Variants in PCED1B observed in about 807,000 individuals in gnomAD.
PCED1B encodes the protein PC-esterase domain-containing protein 1B.
For missense variants in PCED1B, 573 were observed against 573.9 expected, an observed-to-expected ratio of 1.00 and a Z score of 0.02; for synonymous variants, 251 against 246.1, an observed-to-expected ratio of 1.02 and a Z score of -0.19.
chr12:47,130,932 G>A (rs1032639357), intron 2 of PCED1B, among the ~76,000 whole-genome samples: 21 of 152,088 alleles, frequency 1.4e-4, no homozygotes, highest in Non-Finnish European at 1.0e-4. Context: ...TACAATTAAC[G>A]AAGATGATTG....
At chr12:47,117,467 G>A (rs981976743) in intron 2 of PCED1B, among the ~76,000 whole-genome samples, 9 of 152,036 alleles carry the variant, frequency 5.9e-5, no homozygotes, top group African/African-American at 1.5e-4. Flanking sequence ...CTGTCCATGC[G>A]ACAGTTTGCT....
At chr12:47,227,509 C>T (rs1385322192) in intron 3 of PCED1B, among the ~76,000 whole-genome samples, 2 of 152,086 alleles carry the variant, frequency 1.3e-5, no homozygotes, top group East Asian at 3.9e-4. Flanking sequence ...TCTTCCCAGT[C>T]ATTTTCCCCT....
chr12:47,094,672 G>A (rs536853791), intron 1 of PCED1B, among the ~76,000 whole-genome samples: 38 of 152,048 alleles, frequency 2.5e-4, no homozygotes, highest in African/African-American at 8.9e-4. Flanking sequence ...CTCTGATACT[G>A]TTAGACCCTT....
chr12:47,226,706 C>A (rs548355670), intron 3 of PCED1B, among the ~76,000 whole-genome samples: 1 of 152,156 alleles, frequency 6.6e-6, no homozygotes, highest in African/African-American at 2.4e-5. Context: ...GTCCTTGCAC[C>A]CAGTGCACTA....
At chr12:47,101,479 C>T (rs1938703475) in intron 1 of PCED1B, among the ~76,000 whole-genome samples, 1 of 152,092 alleles carries the variant, frequency 6.6e-6, no homozygotes, top group Non-Finnish European at 1.5e-5. Context: ...TATCTCTTGC[C>T]CCAAAACTTG....
At chr12:47,101,490 T>A (rs1938703993) in intron 1 of PCED1B, among the ~76,000 whole-genome samples, 1 of 152,212 alleles carries the variant, frequency 6.6e-6, no homozygotes, top group Admixed American at 6.5e-5. Flanking sequence ...CCAAAACTTG[T>A]AACACAAAGT....
intron 1 of PCED1B, among the ~76,000 whole-genome samples, chr12:47,084,285 T>A (rs142930147): frequency 6.6e-6 from 1 of 152,202 alleles, no homozygotes; most frequent in Non-Finnish European, 1.5e-5. Flanking sequence ...AATACTATAC[T>A]GAAAGTGAAA....
At chr12:47,196,793 C>T (rs1482480390) in intron 2 of PCED1B, among the ~76,000 whole-genome samples, 1 of 151,500 alleles carries the variant, frequency 6.6e-6, no homozygotes, top group Non-Finnish European at 1.5e-5. Context: ...CCACTGCACT[C>T]CAGCCTGGGC....
intron 2 of PCED1B, among the ~76,000 whole-genome samples, chr12:47,105,900 T>G (rs187298285): frequency 6.6e-6 from 1 of 152,344 alleles, no homozygotes. Context: ...TACAGTGACT[T>G]CATTTTCTTG....
intron 2 of PCED1B, among the ~76,000 whole-genome samples, chr12:47,162,062 A>G (rs1212666789): frequency 1.3e-5 from 2 of 150,072 alleles, no homozygotes; most frequent in Admixed American, 6.6e-5. Context: ...GAATTGAACA[A>G]TGAGAACACA....
chr12:47,207,838 A>C (rs1010170061), intron 2 of PCED1B, among the ~76,000 whole-genome samples: 2 of 152,174 alleles, frequency 1.3e-5, no homozygotes, highest in Non-Finnish European at 2.9e-5. Flanking sequence ...GAGCTTTTCT[A>C]TTTAAAGAAT....
intron 3 of PCED1B, among the ~76,000 whole-genome samples, chr12:47,219,102 C>G (rs1202507242): frequency 6.6e-6 from 1 of 152,160 alleles, no homozygotes; most frequent in Non-Finnish European, 1.5e-5. Context: ...GATTGCACCA[C>G]TGCACTCCAG....
At chr12:47,190,809 A>G (rs990105047) in intron 2 of PCED1B, among the ~76,000 whole-genome samples, 1 of 152,176 alleles carries the variant, frequency 6.6e-6, no homozygotes, top group African/African-American at 2.4e-5. Flanking sequence ...AGGGTGCGAG[A>G]GGCACCTCTC....
At chr12:47,101,946 C>CAA (rs373916277) in intron 1 of PCED1B, among the ~76,000 whole-genome samples, 6 of 137,564 alleles carry the variant, frequency 4.4e-5, no homozygotes, top group African/African-American at 1.6e-4. Flanking sequence ...AACTCCATCT[C>CAA]AAAAAAAAAA....
At chr12:47,186,802 G>C (rs755164554) in intron 2 of PCED1B, among the ~76,000 whole-genome samples, 1 of 152,146 alleles carries the variant, frequency 6.6e-6, no homozygotes, top group East Asian at 1.9e-4. Flanking sequence ...GTGATACTTC[G>C]TGATGGCAGC....
chr12:47,159,795 A>T lies in PCED1B; in HGVS notation c.-526+55600A>T, dbSNP rs547508171. 2.6e-5 allele frequency among the ~76,000 whole-genome samples: 4 copies of T among 151,860 alleles called. No individual in the cohort carries two copies. In the South Asian group the frequency reaches 8.3e-4, roughly 32 times the overall value. Reference sequence around the variant, plus strand: ...AGTTGCCTGTACTTTTGAGGTCTTAATCATAAAATATTTGTCAAAACCAAC... The same window carrying T: ...AGTTGCCTGTACTTTTGAGGTCTTATTCATAAAATATTTGTCAAAACCAAC... On this transcript the variant is annotated intron_variant, in intron 2 of 3. Coordinates refer to ENST00000546455, the MANE Select transcript of PCED1B (RefSeq NM_138371.3).
intron 2 of PCED1B, among the ~76,000 whole-genome samples, chr12:47,198,903 T>C (rs1942685935): frequency 6.7e-6 from 1 of 150,270 alleles, no homozygotes; most frequent in South Asian, 2.1e-4. Flanking sequence ...GAGGCAGAGG[T>C]TGCAGTGAGC....
chr12:47,171,651 A>G (rs1406804978), intron 2 of PCED1B, among the ~76,000 whole-genome samples: 1 of 152,184 alleles, frequency 6.6e-6, no homozygotes. Context: ...CCACAAATAT[A>G]GTTTTTCTCC....
At chr12:47,217,523 G>GA (rs879668082) in intron 3 of PCED1B, among the ~76,000 whole-genome samples, 4 of 115,656 alleles carry the variant, frequency 3.5e-5, no homozygotes, top group African/African-American at 9.5e-5. Context: ...AAAGAAGAAA[G>GA]AGAAAGAGAG....
Sources: gnomAD v4.1 joint callset for allele counts (sites outside exome capture counted in the v4.1 genomes callset) on GRCh38, gnomAD v4.1.1 for gene constraint, MANE v1.5 for transcripts, NCBI Gene and HGNC (gene_info 2026-07-23, HGNC 2026-07-21) for gene names.